GADL1: variants seen among roughly 807,000 people sequenced by gnomAD.
GADL1 encodes the protein acidic amino acid decarboxylase GADL1.
Under a neutral mutation model 69.5 loss-of-function variants are expected in GADL1, and 71 were observed. The ratio of observed to expected loss-of-function variants is 1.02; its 90% CI spans 0.84 to 1.25. The LOEUF (loss-of-function observed/expected upper bound fraction) is 1.25. Among genes scored for constraint, GADL1 ranks in the 50% most tolerant of loss-of-function variants. The pLI is 0.00. For missense variants in GADL1, 737 were observed against 631.8 expected (o/e 1.17, Z -1.79); for synonymous variants, 254 against 214.4 (o/e 1.18, Z -1.62).
In GADL1 at chr3:30,833,950, A is replaced by C; in HGVS notation, c.969-16T>G. The C allele has an allele frequency of 6.3e-7, 1 of 1,584,548 alleles. No individual in the cohort carries two copies. The highest frequency in any genetic ancestry group is 8.7e-7 in the Non-Finnish European group (1 of 1,153,584). ...AGAGTCAGCCCTATTGTTTAAACAAAGGGACAGAGTAGGGAGAGGACTCAA... is the reference window on the plus strand; with the variant it reads ...AGAGTCAGCCCTATTGTTTAAACAACGGGACAGAGTAGGGAGAGGACTCAA... On this transcript the variant is annotated splice_polypyrimidine_tract_variant and intron_variant, in intron 10 of 14. Coordinates refer to ENST00000282538, the MANE Select transcript of GADL1 (RefSeq NM_207359.3).
At chr3:30,740,645 C>T (rs944721129) in intron 14 of GADL1, among the ~76,000 whole-genome samples, 84 of 152,062 alleles carry the variant, frequency 5.5e-4, no homozygotes, top group African/African-American at 1.9e-3. Flanking sequence ...TATTCAACTC[C>T]TACTTTCTTA....
chr3:30,766,361 C>T (rs1048610517), intron 14 of GADL1, among the ~76,000 whole-genome samples: 1 of 152,172 alleles, frequency 6.6e-6, no homozygotes, highest in Non-Finnish European at 1.5e-5. Context: ...CCTGAGCTGA[C>T]AAGGGGCCCC....
intron 11 of GADL1, among the ~76,000 whole-genome samples, chr3:30,812,625 G>C (rs536697219): frequency 6.6e-6 from 1 of 152,234 alleles, no homozygotes; most frequent in African/African-American, 2.4e-5. Flanking sequence ...AATGAGATTT[G>C]GGTGGGGATA....
At chr3:30,779,888 G>A (rs1003621017) in intron 13 of GADL1, among the ~76,000 whole-genome samples, 13 of 152,162 alleles carry the variant, frequency 8.5e-5, no homozygotes, top group African/African-American at 3.1e-4. Context: ...GGGTGCTGGA[G>A]AGACACTGGA....
At chr3:30,757,899 T>G (rs1696017932) in intron 14 of GADL1, among the ~76,000 whole-genome samples, 1 of 152,220 alleles carries the variant, frequency 6.6e-6, no homozygotes, top group Non-Finnish European at 1.5e-5. Context: ...GAGCTTAAGA[T>G]GGGTCAGTTA....
Position 30,816,530 on chromosome 3 carries a change from C to CTTTTTTTTTTTTTTTTTTTTTTT in GADL1, c.1051-15465_1051-15443dup, listed in dbSNP as rs773530741. 5.2e-4 allele frequency among the ~76,000 whole-genome samples: 28 copies of CTTTTTTTTTTTTTTTTTTTTTTT among 53,988 alleles called. 7 individuals carry two copies. Among genetic ancestry groups the CTTTTTTTTTTTTTTTTTTTTTTT allele is most frequent in the Non-Finnish European group, 8.6e-4 (22 of 25,434 alleles). The allele number at this position is 53,988 out of a possible 152,430, so 35.4% of individuals were successfully genotyped here. A position where few individuals can be genotyped will look rare whatever the true frequency, so the allele number is the denominator to read the frequency against. On this transcript the variant is annotated intron_variant, in intron 11 of 14. Transcript: ENST00000282538. Reference sequence around the variant, plus strand: ...AGACCATATATTCTTAATTTGTTTTCTTTTTTTTTTTTTTTTTTTTTTTTT... The same window carrying CTTTTTTTTTTTTTTTTTTTTTTT: ...AGACCATATATTCTTAATTTGTTTTCTTTTTTTTTTTTTTTTTTTTTTTTTTTTTTTTTTTTTTTTTTTTTTTT...
chr3:30,819,681 A>G (rs962346315), intron 11 of GADL1, among the ~76,000 whole-genome samples: 14 of 152,172 alleles, frequency 9.2e-5, no homozygotes, highest in Admixed American at 6.6e-5. Flanking sequence ...TTTAATAAGG[A>G]CATGAAAAAT....
At chr3:30,786,473 T>G in intron 12 of GADL1, 67 bp from the exon 13 acceptor site, 1 of 820,688 alleles carries the variant, frequency 1.2e-6, no homozygotes, top group Non-Finnish European at 2.1e-6. Context: ...ATGACTGATA[T>G]GACAAAACTG....
At chr3:30,884,155 G>C (rs973108164) in intron 1 of GADL1, among the ~76,000 whole-genome samples, 2 of 151,758 alleles carry the variant, frequency 1.3e-5, no homozygotes, top group Non-Finnish European at 2.9e-5. Flanking sequence ...CACTTTCTAC[G>C]GTCCGTCTCT....
intron 11 of GADL1, among the ~76,000 whole-genome samples, chr3:30,827,229 G>A (rs560507462): frequency 4.0e-5 from 6 of 151,304 alleles, no homozygotes; most frequent in Non-Finnish European, 5.9e-5. Context: ...GTAGTAGAGC[G>A]ATAGTGGTGA....
At chr3:30,883,140 G>A (rs895107668) in intron 1 of GADL1, among the ~76,000 whole-genome samples, 3 of 151,870 alleles carry the variant, frequency 2.0e-5, no homozygotes, top group Non-Finnish European at 4.4e-5. Context: ...GTGCACAAAA[G>A]GTTTTACGTG....
intron 11 of GADL1, among the ~76,000 whole-genome samples, chr3:30,801,767 C>A (rs1464223350): frequency 2.0e-5 from 3 of 152,080 alleles, no homozygotes. Flanking sequence ...GCCTTTGCCT[C>A]GACCTCAAAT....
At chr3:30,759,390 ATTC>A (rs1173354599) in intron 14 of GADL1, among the ~76,000 whole-genome samples, 2 of 152,148 alleles carry the variant, frequency 1.3e-5, no homozygotes, top group African/African-American at 4.8e-5. Flanking sequence ...CCTGCTCATA[ATTC>A]TTGTTACACT....
Position 30,786,344 on chromosome 3 carries a change from C to G in GADL1, c.1302+11G>C, listed in dbSNP as rs1268487313. On this transcript the variant is annotated intron_variant, in intron 13 of 14. Transcript: ENST00000282538. The stretch of plus-strand genomic sequence containing the variant: ...TGACAAAATCACAAGCACAATTATG[C>G]AATCACTTACTTCCATCAGTAACTT... 1 of 1,529,360 alleles carries G rather than the reference C, an allele frequency of 6.5e-7. No individual in the cohort carries two copies. Among genetic ancestry groups the G allele is most frequent in the Non-Finnish European group, 9.1e-7 (1 of 1,104,162 alleles). 94.7% of individuals were successfully genotyped at this position (1,529,360 alleles called of 1,614,324 possible). A position where few individuals can be genotyped will look rare whatever the true frequency, so the allele number is the denominator to read the frequency against.
intron 14 of GADL1, among the ~76,000 whole-genome samples, chr3:30,749,252 T>C (rs1695761863): frequency 7.8e-6 from 1 of 127,652 alleles, no homozygotes; most frequent in South Asian, 2.3e-4. Context: ...CTCAGCATGT[T>C]AAATTTTCCT....
chr3:30,854,016 T>C (rs1698188950), intron 4 of GADL1, among the ~76,000 whole-genome samples: 1 of 152,128 alleles, frequency 6.6e-6, no homozygotes, highest in African/African-American at 2.4e-5. Context: ...TCTCTTTCTC[T>C]AGTCTTATTC....
chr3:30,786,450 A>G, intron 12 of GADL1, 44 bp from the exon 13 acceptor site: 1 of 1,007,000 alleles, frequency 9.9e-7, no homozygotes, highest in South Asian at 1.3e-5. Context: ...TGCAATGTAA[A>G]AGTGTCATGA....
At chr3:30,756,111 G>C (rs1039979095) in intron 14 of GADL1, among the ~76,000 whole-genome samples, 1 of 152,174 alleles carries the variant, frequency 6.6e-6, no homozygotes, top group African/African-American at 2.4e-5. Flanking sequence ...CAGCAGCAGA[G>C]ATGAAATGAC....
chr3:30,782,650 G>A (rs1696691533), intron 13 of GADL1, among the ~76,000 whole-genome samples: 2 of 152,138 alleles, frequency 1.3e-5, no homozygotes, highest in Non-Finnish European at 2.9e-5. Flanking sequence ...TGATAACAAA[G>A]TTCTGAATGT....
Sources: allele counts gnomAD v4.1 joint callset (sites outside exome capture counted in the v4.1 genomes callset), GRCh38; gene constraint gnomAD v4.1.1; transcripts MANE v1.5; gene names NCBI Gene and HGNC (gene_info 2026-07-23, HGNC 2026-07-21).